EPB41: variants seen among roughly 807,000 people sequenced by gnomAD.
EPB41 encodes the protein protein 4.1.
In EPB41, 65 loss-of-function variants were observed where a neutral mutation model predicts 108.0. The observed-to-expected ratio is 0.60, with a 90% CI of 0.49 to 0.74. EPB41 has a LOEUF of 0.74. Ranked by LOEUF, EPB41 falls within the 30% of genes least tolerant of loss-of-function variation. The probability of loss-of-function intolerance (pLI) is 0.00; values close to 1 mark genes in which losing one functional copy is unlikely to be tolerated. For missense variants in EPB41, 875 were observed against 1,037.0 expected (o/e 0.84, Z 2.15); for synonymous variants, 336 against 358.9 (o/e 0.94, Z 0.72).
At chr1:28,935,623 C>T (rs1464183893) in intron 1 of EPB41, among the ~76,000 whole-genome samples, 1 of 151,690 alleles carries the variant, frequency 6.6e-6, no homozygotes, top group African/African-American at 2.4e-5. Flanking sequence ...AATCTCTCTC[C>T]TTAAGAGTTA....
rs749285989 is a variant in EPB41 at position 29,018,311 on chromosome 1, C to A, written c.993C>A (p.Tyr331Ter). Residue 331 changes from tyrosine (Y) to a stop codon, truncating the protein, a stop_gained, in exon 7 of 21, where the codon TAC becomes TAA. Coordinates refer to ENST00000343067, the MANE Select transcript of EPB41 (RefSeq NM_001376013.1). LOFTEE classifies it high-confidence loss of function. This position sits in a 1 kb window ranked among gnomAD's most constrained non-coding sequence, Gnocchi z 4.4. ...CAACCTTAGCATTATTAGGTTCTTA[C>A]ACCATCCAGTCTGAACTGGGAGACT... ...SFATLALLGS[Y>*]TIQSELGDYD... The A allele has an allele frequency of 1.2e-6, 2 of 1,614,154 alleles. No individual in the cohort carries two copies. Among genetic ancestry groups the A allele is most frequent in the East Asian group, 4.5e-5 (2 of 44,890 alleles).
chr1:28,931,781 G>T (rs180901832), intron 1 of EPB41, among the ~76,000 whole-genome samples: 9 of 151,686 alleles, frequency 5.9e-5, no homozygotes, highest in African/African-American at 1.9e-4. Context: ...TGATCCACTC[G>T]CCTCGGCCTC....
In EPB41 at chr1:28,887,701, A is replaced by C. The variant is rs1439834481; in HGVS notation, c.-8+491A>C. ...CCGCGCCCCGCTCCGGCCCTTACGT[A>C]ACTGACTTTGAGTTTCCGGACCCAG... On this transcript the variant is annotated intron_variant, in intron 1 of 16. Coordinates refer to the EPB41 transcript ENST00000347529. The surrounding 1 kb of genome is among the most constrained non-coding windows in gnomAD (Gnocchi z 4.9). 2.0e-6 allele frequency: 2 copies of C among 984,824 alleles called. No individual in the cohort carries two copies. The highest frequency in any genetic ancestry group is 3.5e-5 in the African/African-American group (2 of 57,164). 61.0% of individuals were successfully genotyped at this position (984,824 alleles called of 1,614,324 possible). A position where few individuals can be genotyped will look rare whatever the true frequency, so the allele number is the denominator to read the frequency against.
intron 1 of EPB41, among the ~76,000 whole-genome samples, chr1:28,935,636 G>A (rs1397331189): frequency 6.6e-6 from 1 of 151,516 alleles, no homozygotes; most frequent in Non-Finnish European, 1.5e-5. Context: ...AAGAGTTACT[G>A]TAGGCCAGGC....
chr1:28,949,046 A>G (rs988470951), intron 1 of EPB41, among the ~76,000 whole-genome samples: 1 of 152,210 alleles, frequency 6.6e-6, no homozygotes, highest in Admixed American at 6.5e-5. Flanking sequence ...CTAGAACTAT[A>G]CTAGTACTGT....
At chr1:29,109,192 C>T in intron 17 of EPB41, 144 bp from the exon 18 acceptor site, 1 of 697,868 alleles carries the variant, frequency 1.4e-6, no homozygotes. Context: ...GAGTGAAACT[C>T]CGTCTCAAAA....
intron 1 of EPB41, among the ~76,000 whole-genome samples, chr1:28,982,969 C>A (rs2095793600): frequency 6.6e-6 from 1 of 151,488 alleles, no homozygotes; most frequent in Non-Finnish European, 1.5e-5. Flanking sequence ...GGATTTTGGT[C>A]TTTTGGGATT....
intron 11 of EPB41, 110 bp from the exon 12 acceptor site, chr1:29,052,994 C>A: frequency 1.7e-6 from 2 of 1,206,150 alleles, no homozygotes; most frequent in Non-Finnish European, 2.4e-6. Context: ...CCACTACACA[C>A]TCTAACATTC....
chr1:29,065,332 G>T, intron 16 of EPB41, 174 bp downstream of exon 16: 3 of 1,243,014 alleles, frequency 2.4e-6, no homozygotes, highest in Non-Finnish European at 2.1e-6. Flanking sequence ...TTTTAAGTCA[G>T]GTAGGCTACC....
chr1:29,091,977 A>G (rs558399541), intron 16 of EPB41, among the ~76,000 whole-genome samples: 189 of 152,194 alleles, frequency 1.2e-3, no homozygotes, highest in African/African-American at 4.4e-3. Context: ...CTGGTTTACA[A>G]GTTAAGGAGC....
At position 28,887,193 on chromosome 1, in the gene EPB41, C is replaced by A. The variant is rs1483883285; in HGVS notation, c.-25C>A. 1 of 1,268,760 alleles carries A rather than the reference C, an allele frequency of 7.9e-7. No individual in the cohort carries two copies. Among genetic ancestry groups the A allele is most frequent in the African/African-American group, 1.5e-5 (1 of 65,538 alleles). The allele number at this position is 1,268,760 out of a possible 1,614,324, so 78.6% of individuals were successfully genotyped here. On this transcript the variant is annotated 5_prime_UTR_variant, in exon 1 of 17. Transcript: ENST00000347529. The surrounding 1 kb of genome is among the most constrained non-coding windows in gnomAD (Gnocchi z 4.9). ...AGCCAGAACGCGGTCGGCCCGGTCC[C>A]CGCCGCACCCAGCCCAGGTGAGCCT...
intron 1 of EPB41, among the ~76,000 whole-genome samples, chr1:28,974,199 T>C (rs1253389862): frequency 6.6e-6 from 1 of 152,216 alleles, no homozygotes; most frequent in Non-Finnish European, 1.5e-5. Context: ...ACTGAGGGGC[T>C]GTTACTGTCC....
Position 29,097,801 on chromosome 1 carries a change from T to C in EPB41, c.2185-6T>C. ...CTCTAGTAACTCTTTCCTTACTGCT[T>C]CACAGCCTCCCCTGGTGAAGACACA... On this transcript the variant is annotated splice_polypyrimidine_tract_variant and splice_region_variant and intron_variant, in intron 16 of 20. Coordinates refer to ENST00000343067, the MANE Select transcript of EPB41 (RefSeq NM_001376013.1). The C allele has an allele frequency of 6.2e-7, 1 of 1,613,940 alleles. No individual in the cohort carries two copies. Among genetic ancestry groups the C allele is most frequent in the Non-Finnish European group, 8.5e-7 (1 of 1,179,856 alleles).
intron 1 of EPB41, among the ~76,000 whole-genome samples, chr1:28,900,796 C>G (rs2091206444): frequency 6.6e-6 from 1 of 152,148 alleles, no homozygotes; most frequent in Non-Finnish European, 1.5e-5. Context: ...CACACTTCCA[C>G]CCCAGGGACT....
chr1:29,073,110 C>CA (rs34560398), intron 16 of EPB41: 39,803 of 70,416 alleles, frequency 0.57, 11,980 homozygotes, highest in Non-Finnish European at 0.69. Flanking sequence ...GACTCTGTCT[C>CA]AAAAAAAAAA....
intron 1 of EPB41, among the ~76,000 whole-genome samples, chr1:28,968,992 A>AC (rs1328524397): frequency 2.2e-4 from 31 of 144,108 alleles, no homozygotes; most frequent in African/African-American, 7.1e-4. Flanking sequence ...CAAAAAAAAA[A>AC]CACAAACTAA....
At chr1:28,929,867 T>A (rs986137130) in intron 1 of EPB41, among the ~76,000 whole-genome samples, 12 of 136,324 alleles carry the variant, frequency 8.8e-5, no homozygotes, top group East Asian at 2.3e-4. Context: ...TTTTTTTTTT[T>A]AAAGACTTTA....
intron 1 of EPB41, among the ~76,000 whole-genome samples, chr1:28,977,149 A>G (rs2095625385): frequency 6.6e-6 from 1 of 152,036 alleles, no homozygotes; most frequent in Non-Finnish European, 1.5e-5. Context: ...CACTGTGCCC[A>G]GTGGTTTTTT....
At chr1:29,056,684 C>T (rs954809578) in intron 12 of EPB41, among the ~76,000 whole-genome samples, 6 of 152,094 alleles carry the variant, frequency 3.9e-5, no homozygotes, top group Non-Finnish European at 7.3e-5. Flanking sequence ...CGCCACCATG[C>T]CCAGCTAATT....
Sources: gnomAD v4.1 joint callset for allele counts (sites outside exome capture counted in the v4.1 genomes callset) on GRCh38, gnomAD v4.1.1 for gene constraint, Gnocchi (gnomAD v3.1) non-coding constraint, MANE v1.5 for transcripts, NCBI Gene and HGNC (gene_info 2026-07-23, HGNC 2026-07-21) for gene names.